Variants in EML2 observed in about 807,000 individuals in gnomAD.
The protein encoded by EML2 is echinoderm microtubule-associated protein-like 2.
A neutral mutation model predicts 84.7 loss-of-function variants in EML2; 59 were observed. The ratio of observed to expected loss-of-function variants is 0.70; its 90% confidence interval spans 0.56 to 0.86. The LOEUF is 0.86. Ranked by LOEUF, EML2 falls within the 40% of genes least tolerant of loss-of-function variation. The pLI is 0.00. For missense variants in EML2, 818 were observed against 855.6 expected (o/e 0.96, Z 0.55); for synonymous variants, 352 against 348.9 (o/e 1.01, Z -0.10).
upstream of EML2, chr19:45,641,240 A>G (rs548148734): frequency 3.6e-4 from 62 of 174,218 alleles, no homozygotes; most frequent in Non-Finnish European, 6.4e-4. Context: ...CCAGGCGAAC[A>G]CTGTGGCTGC....
rs781680166 is a variant in EML2, at chr19:45,621,599, C to G, written c.880G>C (p.Asp294His). 14 of 1,610,576 alleles carry G rather than the reference C, an allele frequency of 8.7e-6. No homozygotes were observed. The South Asian group carries it at 1.4e-4, about 16-fold the overall frequency. The change falls in exon 10 of 19, where the codon GAC becomes CAC. Residue 294 changes from aspartate to histidine, a missense_variant. Asp to His is a moderately conservative substitution (Grantham distance 81). Coordinates refer to ENST00000245925, the MANE Select transcript of EML2 (RefSeq NM_012155.4). ...GCGCAGAGCCCAAACACGCCGCCGT[C>G]GTGGGCGCCCAGCACCGCCTGTGTG... ...RITQAVLGAH[D>H]GGVFGLCALR...
chr19:45,626,621 C>A (rs1184488755), intron 8 of EML2, 84 bp downstream of exon 8: 1 of 1,484,250 alleles, frequency 6.7e-7, no homozygotes, highest in Non-Finnish European at 9.1e-7. Context: ...CCCCTGCCAC[C>A]CTCTGGGGGA....
chr19:45,639,222 G>T, intron 1 of EML2, 135 bp downstream of exon 1: 2 of 978,440 alleles, frequency 2.0e-6, no homozygotes, highest in Non-Finnish European at 2.9e-6. Flanking sequence ...GTCAAGCAGA[G>T]GGAGAAACGG....
At chr19:45,611,797 C>G (rs1970528538) in intron 18 of EML2, among the ~76,000 whole-genome samples, 1 of 151,656 alleles carries the variant, frequency 6.6e-6, no homozygotes, top group African/African-American at 2.4e-5. Flanking sequence ...CAGAATTATC[C>G]TTATTTTTTT....
chr19:45,631,577 T>C (rs1281200560), intron 6 of EML2, among the ~76,000 whole-genome samples: 1 of 151,736 alleles, frequency 6.6e-6, no homozygotes, highest in Non-Finnish European at 1.5e-5. Flanking sequence ...AGCTAATTTT[T>C]GTATATTTTT....
chr19:45,639,244 G>C (rs1003111918), intron 1 of EML2, 113 bp downstream of exon 1: 4 of 1,106,296 alleles, frequency 3.6e-6, no homozygotes, highest in African/African-American at 1.6e-5. Flanking sequence ...GAGAGTTTAA[G>C]GGAAGGGGCG....
Position 45,616,481 on chromosome 19 carries a change from T to C in EML2, c.1489A>G (p.Ser497Gly). 6.3e-7 allele frequency: 1 copy of C among 1,593,014 alleles called. No individual in the cohort carries two copies. The highest frequency in any genetic ancestry group is 8.6e-7 in the Non-Finnish European group (1 of 1,163,770). ...CTCACCGAGCACTTGCCCAGGCGGCTGACCTTGCGGCCGCCCTGGTCCACC... is the reference window on the plus strand; with the variant it reads ...CTCACCGAGCACTTGCCCAGGCGGCCGACCTTGCGGCCGCCCTGGTCCACC... The part of the protein sequence containing the change: ...YTVDQGGRKV[S>G]RLGKCSGHSS... Residue 497 changes from serine to glycine, a missense_variant, in exon 15 of 19, where the codon AGC becomes GGC. Coordinates refer to ENST00000245925, the MANE Select transcript of EML2 (RefSeq NM_012155.4).
At chr19:45,616,090 G>T (rs1971023077) in intron 15 of EML2, 1 of 593,746 alleles carries the variant, frequency 1.7e-6, no homozygotes, top group Non-Finnish European at 3.0e-6. Flanking sequence ...GATGGGCAGG[G>T]CTAGACAAAA....
chr19:45,641,364 A>G (rs920933536), upstream of EML2: 4 of 431,602 alleles, frequency 9.3e-6, no homozygotes, highest in African/African-American at 8.0e-5. Context: ...CCACGCCCAT[A>G]AGCCAAGCTC....
rs2122663219 is a variant in EML2 at position 45,621,388 on chromosome 19, T to TGA, written c.997-58_997-57dup. On this transcript the variant is annotated intron_variant, in intron 10 of 18. Transcript: ENST00000245925. ...AGGATGCACACGGGTGGGTGTGGGG[T>TGA]GACATACTGTGGGGAGGAGGGTCTG... 13 of 1,572,314 alleles carry TGA rather than the reference T, an allele frequency of 8.3e-6. No homozygotes were observed. The South Asian group carries it at 1.5e-4, about 18-fold the overall frequency.
At chr19:45,641,955 G>C, upstream of EML2, 1 of 1,445,216 alleles carries the variant, frequency 6.9e-7, no homozygotes, top group Non-Finnish European at 9.1e-7. Context: ...GGAGAGGATG[G>C]GGACGTGGCA....
At position 45,615,687 on chromosome 19, in the gene EML2, C is replaced by T. The variant is rs565959409; in HGVS notation, c.1597+115G>A. The stretch of plus-strand genomic sequence containing the variant: ...GCGGTCCCTAAATTCCAAATCAGAA[C>T]CAGCCTTGAATACCAAGGGAGCGAG... On this transcript the variant is annotated intron_variant, in intron 16 of 18. Transcript: ENST00000245925. 3,518 of 909,252 alleles carry T rather than the reference C, an allele frequency of 3.9e-3. 13 individuals carry two copies. The highest frequency in any genetic ancestry group is 8.3e-3 in the Admixed American group (403 of 48,478). The allele number at this position is 909,252 out of a possible 1,614,324, so 56.3% of individuals were successfully genotyped here. A position where few individuals can be genotyped will look rare whatever the true frequency, so the allele number is the denominator to read the frequency against.
chr19:45,637,174 AC>A (rs1257001775), intron 3 of EML2, among the ~76,000 whole-genome samples: 1 of 151,984 alleles, frequency 6.6e-6, no homozygotes, highest in African/African-American at 2.4e-5. Flanking sequence ...TTCACCAACC[AC>A]CCTGGCTCCT....
chr19:45,615,790 C>A lies in EML2; in HGVS notation c.1597+12G>T. On this transcript the variant is annotated intron_variant, in intron 16 of 18. Transcript: ENST00000245925. Reference sequence around the variant, plus strand: ...CGGAGGAAGTAATGTCTCTGGGTCCCGGAGAACTCACAGTACAGAATCTCA... The same window carrying A: ...CGGAGGAAGTAATGTCTCTGGGTCCAGGAGAACTCACAGTACAGAATCTCA... 1 of 1,610,904 alleles carries A rather than the reference C, an allele frequency of 6.2e-7. No individual in the cohort carries two copies. The highest frequency in any genetic ancestry group is 8.5e-7 in the Non-Finnish European group (1 of 1,177,414).
upstream of EML2, among the ~76,000 whole-genome samples, chr19:45,644,260 G>T (rs1307774352): frequency 6.6e-6 from 1 of 152,128 alleles, no homozygotes; most frequent in East Asian, 1.9e-4. Flanking sequence ...AGGAGAGGAG[G>T]AGGAAGGTTA....
intron 4 of EML2, among the ~76,000 whole-genome samples, chr19:45,633,775 C>T (rs1211594441): frequency 2.0e-5 from 3 of 152,088 alleles, no homozygotes; most frequent in African/African-American, 7.2e-5. Flanking sequence ...GATGGAGTCT[C>T]GCTCTGTCCC....
chr19:45,633,139 G>A lies in EML2; in HGVS notation c.330C>T (p.Cys110=), dbSNP rs985546764. Residue 110 remains cysteine, a splice_region_variant and synonymous_variant, in exon 5 of 19, where the codon TGC becomes TGT. Coordinates refer to ENST00000245925, the MANE Select transcript of EML2 (RefSeq NM_012155.4). Reference sequence around the variant, plus strand: ...TGACCATATCTGGGTGGATGGCCAAGCTGCGGAAAGAAGGGACAGAGAGAC... The same window carrying A: ...TGACCATATCTGGGTGGATGGCCAAACTGCGGAAAGAAGGGACAGAGAGAC... ...HYLGHNDDIK[C]LAIHPDMVTI... The A allele has an allele frequency of 2.5e-6, 4 of 1,605,968 alleles. No individual in the cohort carries two copies. The African/African-American group carries it at 5.3e-5, about 21-fold the overall frequency.
intron 3 of EML2, among the ~76,000 whole-genome samples, chr19:45,635,636 A>C (rs1973643955): frequency 8.4e-6 from 1 of 119,602 alleles, no homozygotes; most frequent in African/African-American, 3.3e-5. Context: ...CTTGTTGCCC[A>C]GGCTGGAGTG....
upstream of EML2, chr19:45,642,330 G>T: frequency 6.5e-7 from 1 of 1,531,668 alleles, no homozygotes; most frequent in Non-Finnish European, 8.7e-7. Context: ...CTTCCATACC[G>T]CTCGTGCCCG....
Sources: allele counts gnomAD v4.1 joint callset (sites outside exome capture counted in the v4.1 genomes callset), GRCh38; gene constraint gnomAD v4.1.1; transcripts MANE v1.5; gene names NCBI Gene and HGNC (gene_info 2026-07-23, HGNC 2026-07-21).